SYT1: variants seen among roughly 807,000 people sequenced by gnomAD.
The protein encoded by SYT1 is synaptotagmin-1.
In SYT1, 8 loss-of-function variants were observed where a neutral mutation model predicts 44.8. That is an observed-to-expected ratio of 0.18 (90% CI 0.10 to 0.32). The LOEUF (loss-of-function observed/expected upper bound fraction) is 0.32, where lower values mean the gene tolerates loss of function less well. SYT1 is among the 10% of genes least tolerant of loss of function. SYT1 has a pLI of 1.00. For missense variants in SYT1, 286 were observed against 509.3 expected, an observed-to-expected ratio of 0.56 and a Z score of 4.22; for synonymous variants, 154 against 188.8, an observed-to-expected ratio of 0.82 and a Z score of 1.51.
chr12:79,420,980 A>T (rs1315864295), intron 9 of SYT1, among the ~76,000 whole-genome samples: 1 of 152,140 alleles, frequency 6.6e-6, no homozygotes, highest in Non-Finnish European at 1.5e-5. Flanking sequence ...CCACAGTGGG[A>T]ATGCAACCTT....
intron 1 of SYT1, among the ~76,000 whole-genome samples, chr12:78,933,305 C>T (rs1211298582): frequency 6.6e-6 from 1 of 151,990 alleles, no homozygotes; most frequent in Non-Finnish European, 1.5e-5. Flanking sequence ...AGTTATAGAG[C>T]CTCTAAGAAA....
At chr12:79,064,934 AAGAAAG>A (rs1041221771) in intron 3 of SYT1, among the ~76,000 whole-genome samples, 1 of 75,606 alleles carries the variant, frequency 1.3e-5, no homozygotes, top group African/African-American at 5.6e-5. Flanking sequence ...GAGAGAAAGA[AAGAAAG>A]AAAGAAAGAA....
At chr12:78,929,262 C>T (rs1877481242) in intron 1 of SYT1, among the ~76,000 whole-genome samples, 2 of 150,856 alleles carry the variant, frequency 1.3e-5, no homozygotes, top group Non-Finnish European at 3.0e-5. Context: ...ATTAGCTGGA[C>T]GTGGCAGCAC....
At chr12:79,049,030 C>G (rs969627002) in intron 3 of SYT1, among the ~76,000 whole-genome samples, 1 of 151,846 alleles carries the variant, frequency 6.6e-6, no homozygotes, top group Admixed American at 6.6e-5. Context: ...ATTTTTTAAA[C>G]TGACAGGACT....
chr12:79,351,982 G>A (rs535560221), intron 8 of SYT1, among the ~76,000 whole-genome samples: 41 of 152,150 alleles, frequency 2.7e-4, no homozygotes, highest in Non-Finnish European at 5.3e-4. Flanking sequence ...AGAGTTCTTG[G>A]TAACATAGAG....
chr12:79,412,810 C>G (rs755146600), intron 9 of SYT1, among the ~76,000 whole-genome samples: 30 of 152,116 alleles, frequency 2.0e-4, no homozygotes, highest in Non-Finnish European at 3.2e-4. Flanking sequence ...CATTGTTACC[C>G]TACTATCTGA....
chr12:79,063,191 G>A (rs574306287), intron 3 of SYT1, among the ~76,000 whole-genome samples: 18 of 152,234 alleles, frequency 1.2e-4, no homozygotes, highest in African/African-American at 4.3e-4. Flanking sequence ...GAATTTCCTT[G>A]TGCTGAAATA....
At chr12:79,328,043 G>C (rs17005463) in intron 8 of SYT1, among the ~76,000 whole-genome samples, 2,944 of 152,286 alleles carry the variant, frequency 0.019, 39 homozygotes, top group Middle Eastern at 0.031. Context: ...TATTAAAGCT[G>C]TCAGTGGCCA....
chr12:78,944,961 T>C (rs969524966), intron 1 of SYT1, among the ~76,000 whole-genome samples: 1 of 152,194 alleles, frequency 6.6e-6, no homozygotes, highest in Non-Finnish European at 1.5e-5. Flanking sequence ...AAATTTCCTT[T>C]GAAATGTTGC....
intron 3 of SYT1, among the ~76,000 whole-genome samples, chr12:79,149,390 G>A (rs543481471): frequency 6.6e-6 from 1 of 152,036 alleles, no homozygotes; most frequent in Non-Finnish European, 1.5e-5. Context: ...TCAACTATGG[G>A]TAAAGTAGTT....
intron 3 of SYT1, among the ~76,000 whole-genome samples, chr12:79,064,238 A>AGGAGAAAGGAAAGAGGGAGTAAG (rs1875598895): frequency 6.6e-6 from 1 of 152,154 alleles, no homozygotes; most frequent in Non-Finnish European, 1.5e-5. Flanking sequence ...AAAAGACTGA[A>AGGAGAAAGGAAAGAGGGAGTAAG]GGAGAAAGGA....
chr12:79,403,518 T>C (rs1997182), intron 9 of SYT1, among the ~76,000 whole-genome samples: 20,908 of 152,216 alleles, frequency 0.14, 1,870 homozygotes, highest in Middle Eastern at 0.34. Context: ...ATTTAATTAC[T>C]TCTTTAAAGA....
chr12:79,167,889 T>G (rs1162914997), intron 3 of SYT1, among the ~76,000 whole-genome samples: 1 of 151,996 alleles, frequency 6.6e-6, no homozygotes, highest in Non-Finnish European at 1.5e-5. Flanking sequence ...CATTAGATTC[T>G]CATAAGGAGC....
chr12:79,415,699 A>G (rs999324915), intron 9 of SYT1, among the ~76,000 whole-genome samples: 1 of 152,224 alleles, frequency 6.6e-6, no homozygotes, highest in African/African-American at 2.4e-5. Flanking sequence ...ATACTTAGGC[A>G]AGGGAACCTA....
At chr12:79,004,048 C>T (rs1028724821) in intron 2 of SYT1, among the ~76,000 whole-genome samples, 2 of 151,726 alleles carry the variant, frequency 1.3e-5, no homozygotes, top group Non-Finnish European at 2.9e-5. Flanking sequence ...TATCTAATGA[C>T]CCTCCTTTTT....
rs1882842840 is a variant in SYT1 at position 79,350,364 on chromosome 12, T to A, written c.811-3138T>A. Among the ~76,000 whole-genome samples, 6 of 149,690 alleles carry A rather than the reference T, an allele frequency of 4.0e-5. No homozygotes were observed. The Admixed American group carries it at 4.0e-4, about 10-fold the overall frequency. ...GCCTCCCGGGTTCACACCATTCTCC[T>A]GCCTCAGCCTCCAGAGTAGCTGGGA... On this transcript the variant is annotated intron_variant, in intron 8 of 10. Transcript: ENST00000261205.
In SYT1 at chr12:79,449,813, G is replaced by A. The variant is rs1032504182; in HGVS notation, c.*689G>A. On this transcript the variant is annotated 3_prime_UTR_variant, in exon 11 of 11. Transcript: ENST00000261205. ...CCACAAAACAGAATAGCACCTGTCTGTACATATTTACAAAGCTAAAATAAT... is the reference window on the plus strand; with the variant it reads ...CCACAAAACAGAATAGCACCTGTCTATACATATTTACAAAGCTAAAATAAT... 5 of 152,266 alleles carry A rather than the reference G, an allele frequency of 3.3e-5. No homozygotes were observed. Among genetic ancestry groups the A allele is most frequent in the Admixed American group, 3.3e-4 (5 of 15,270 alleles). 9.4% of individuals were successfully genotyped at this position (152,266 alleles called of 1,614,324 possible).
At chr12:79,309,082 G>A (rs1249143910) in intron 8 of SYT1, among the ~76,000 whole-genome samples, 1 of 152,142 alleles carries the variant, frequency 6.6e-6, no homozygotes, top group African/African-American at 2.4e-5. Context: ...ACTTTCTCAA[G>A]GATCTCCACA....
At chr12:79,310,578 G>A (rs1880726946) in intron 8 of SYT1, among the ~76,000 whole-genome samples, 1 of 152,222 alleles carries the variant, frequency 6.6e-6, no homozygotes, top group East Asian at 1.9e-4. Context: ...TGATGGGAAT[G>A]GCATTGAATC....
Sources: allele counts gnomAD v4.1 joint callset (sites outside exome capture counted in the v4.1 genomes callset), GRCh38; gene constraint gnomAD v4.1.1; transcripts MANE v1.5; gene names NCBI Gene and HGNC (gene_info 2026-07-23, HGNC 2026-07-21).